WDFY3: variants seen among roughly 807,000 people sequenced by gnomAD.
WDFY3 encodes WD repeat and FYVE domain containing 3, also known as WD repeat and FYVE domain-containing protein 3.
A neutral mutation model predicts 409.6 loss-of-function variants in WDFY3; 66 were observed. The observed-to-expected ratio is 0.16, with a 90% CI of 0.13 to 0.20. WDFY3 has a LOEUF of 0.20. Among genes scored for constraint, WDFY3 ranks in the 10% least tolerant of loss-of-function variants. The probability of loss-of-function intolerance (pLI) is 1.00; values close to 1 mark genes in which losing one functional copy is unlikely to be tolerated. For synonymous variants in WDFY3, 1,521 were observed against 1,537.1 expected (o/e 0.99, Z 0.25); for missense variants, 3,031 against 4,298.1 (o/e 0.71, Z 8.24).
intron 2 of WDFY3, among the ~76,000 whole-genome samples, chr4:84,928,500 C>A (rs1474903503): frequency 6.6e-6 from 1 of 152,112 alleles, no homozygotes; most frequent in Non-Finnish European, 1.5e-5. Context: ...TCTCGGGTAA[C>A]CCTGACTAAA....
chr4:84,865,787 A>G (rs1374654584), intron 3 of WDFY3, among the ~76,000 whole-genome samples: 2 of 152,174 alleles, frequency 1.3e-5, no homozygotes, highest in Non-Finnish European at 2.9e-5. Flanking sequence ...CAAATGCCAG[A>G]GACCAGGCAC....
At chr4:84,962,949 C>T (rs1174777934) in intron 1 of WDFY3, among the ~76,000 whole-genome samples, 1 of 151,918 alleles carries the variant, frequency 6.6e-6, no homozygotes, top group Non-Finnish European at 1.5e-5. Flanking sequence ...GCTGGGATTA[C>T]AGGTGTGAGC....
At chr4:84,714,404 G>A (rs1388815571) in intron 50 of WDFY3, among the ~76,000 whole-genome samples, 1 of 152,126 alleles carries the variant, frequency 6.6e-6, no homozygotes, top group Non-Finnish European at 1.5e-5. Context: ...GCCATTGCAC[G>A]GCTTGGCCTG....
chr4:84,864,144 ATCACCTGACG>A (rs1761046997), intron 3 of WDFY3, among the ~76,000 whole-genome samples: 4 of 152,076 alleles, frequency 2.6e-5, no homozygotes, highest in Admixed American at 6.6e-5. Context: ...AGGTGGGCGG[ATCACCTGACG>A]TCAGCAATTC....
chr4:84,755,383 A>G lies in WDFY3; in HGVS notation c.5442T>C (p.Ile1814=), dbSNP rs878891235. 7 of 1,608,800 alleles carry G rather than the reference A, an allele frequency of 4.4e-6. No homozygotes were observed. The highest frequency in any genetic ancestry group is 1.1e-5 in the South Asian group (1 of 89,862). Residue 1814 remains isoleucine (I), a synonymous_variant, in exon 34 of 68, where the codon ATT becomes ATC. Transcript: ENST00000295888. The part of the protein sequence containing the change: ...KQGCQFDLDS[I]WTFIFGVPAS... ...CAGGAACTCCAAAGATGAATGTCCA[A>G]ATGGAATCCAAATCAAACTGCAGAG... is the stretch of plus-strand genomic sequence containing the variant.
chr4:84,956,807 AG>A (rs1296098589), intron 1 of WDFY3, among the ~76,000 whole-genome samples: 17 of 152,150 alleles, frequency 1.1e-4, no homozygotes, highest in Admixed American at 6.5e-5. Flanking sequence ...AATGATAAAA[AG>A]GGTTGTCTCC....
chr4:84,917,376 T>C (rs1305520973), intron 2 of WDFY3, among the ~76,000 whole-genome samples: 1 of 152,180 alleles, frequency 6.6e-6, no homozygotes, highest in Non-Finnish European at 1.5e-5. Flanking sequence ...ACTGAAAACG[T>C]ATAATCTAAG....
At position 84,867,145 on chromosome 4, in the gene WDFY3, T is replaced by A. The variant is rs143664968; in HGVS notation, c.-31-6523A>T. ...TCTGTAACATGCCAAGCACACTAGT[T>A]ACATTCAATAAATGTTATCTTTTCT... On this transcript the variant is annotated intron_variant, in intron 3 of 67. Transcript: ENST00000295888. Among the ~76,000 whole-genome samples the A allele has an allele frequency of 4.2e-3, 646 of 152,342 alleles. 2 individuals carry two copies. The highest frequency in any genetic ancestry group is 0.014 in the African/African-American group (563 of 41,582).
intron 2 of WDFY3, among the ~76,000 whole-genome samples, chr4:84,919,453 T>C (rs957021026): frequency 8.4e-5 from 12 of 142,392 alleles, no homozygotes; most frequent in Admixed American, 7.5e-4. Flanking sequence ...TCCCTCCCAG[T>C]AGACCCTTTA....
intron 3 of WDFY3, among the ~76,000 whole-genome samples, chr4:84,863,479 C>T (rs966595880): frequency 2.0e-5 from 3 of 152,168 alleles, no homozygotes; most frequent in Non-Finnish European, 4.4e-5. Flanking sequence ...ATTATTAATA[C>T]TGAGCACCTT....
chr4:84,860,597 C>A lies in WDFY3; in HGVS notation c.-6G>T. 1 of 1,594,088 alleles carries A rather than the reference C, an allele frequency of 6.3e-7. No homozygotes were observed. Among genetic ancestry groups the A allele is most frequent in the Non-Finnish European group, 8.6e-7 (1 of 1,166,404 alleles). ...ATCCTCTTCACCATGTTCATCTTGGCTGGTTGGTGAGACGCACTTCTAATT... is the reference window on the plus strand; with the variant it reads ...ATCCTCTTCACCATGTTCATCTTGGATGGTTGGTGAGACGCACTTCTAATT... On this transcript the variant is annotated 5_prime_UTR_variant, in exon 4 of 68. Transcript: ENST00000295888.
At chr4:84,936,963 C>G (rs555111159) in intron 1 of WDFY3, among the ~76,000 whole-genome samples, 1 of 152,190 alleles carries the variant, frequency 6.6e-6, no homozygotes, top group South Asian at 2.1e-4. Context: ...TTTCCTCCTT[C>G]CAATAAAGCA....
At chr4:84,828,640 T>C (rs573053223) in intron 9 of WDFY3, among the ~76,000 whole-genome samples, 2 of 152,166 alleles carry the variant, frequency 1.3e-5, no homozygotes, top group Admixed American at 1.3e-4. Context: ...TGGTGGCTCA[T>C]GACTGTAATC....
intron 12 of WDFY3, among the ~76,000 whole-genome samples, chr4:84,817,814 G>A (rs1186216001): frequency 1.3e-5 from 2 of 152,052 alleles, no homozygotes; most frequent in South Asian, 2.1e-4. Context: ...GATTAATGCC[G>A]TGATATGTTC....
intron 1 of WDFY3, among the ~76,000 whole-genome samples, chr4:84,939,559 G>C (rs1771854599): frequency 6.6e-6 from 1 of 152,004 alleles, no homozygotes; most frequent in African/African-American, 2.4e-5. Context: ...CTGGAAGAAA[G>C]AGCCTTCCTT....
At chr4:84,823,541 T>C (rs2149840807) in intron 10 of WDFY3, among the ~76,000 whole-genome samples, 1 of 152,012 alleles carries the variant, frequency 6.6e-6, no homozygotes, top group South Asian at 2.1e-4. Context: ...AAAATACATA[T>C]TAAGGGATAA....
At position 84,847,392 on chromosome 4, in the gene WDFY3, A is replaced by C. The variant is rs142402765; in HGVS notation, c.304+2510T>G. Among the ~76,000 whole-genome samples the C allele has an allele frequency of 4.3e-3, 651 of 152,240 alleles. 4 individuals are homozygous for C. Among genetic ancestry groups the C allele is most frequent in the African/African-American group, 0.015 (609 of 41,544 alleles). ...GGACATTCTCTAACATAAGAGACAA[A>C]GACAAAAACAAATTGATAAAAAAAC... On this transcript the variant is annotated intron_variant, in intron 5 of 67. Coordinates refer to ENST00000295888, the MANE Select transcript of WDFY3 (RefSeq NM_014991.6).
chr4:84,895,631 G>A (rs1274196815), intron 3 of WDFY3, among the ~76,000 whole-genome samples: 2 of 152,140 alleles, frequency 1.3e-5, no homozygotes, highest in Non-Finnish European at 1.5e-5. Flanking sequence ...TAAGTAGGAG[G>A]GTTATATATG....
intron 37 of WDFY3, among the ~76,000 whole-genome samples, chr4:84,742,460 G>A (rs1738608833): frequency 1.3e-5 from 2 of 152,080 alleles, no homozygotes; most frequent in Admixed American, 6.5e-5. Flanking sequence ...CTATCCGAGT[G>A]TTTTCAGTGT....
Sources: allele counts gnomAD v4.1 joint callset (sites outside exome capture counted in the v4.1 genomes callset), GRCh38; gene constraint gnomAD v4.1.1; transcripts MANE v1.5; gene names NCBI Gene and HGNC (gene_info 2026-07-23, HGNC 2026-07-21).